TUSC3: variants seen among roughly 807,000 people sequenced by gnomAD.
The protein encoded by TUSC3 is dolichyl-diphosphooligosaccharide--protein glycosyltransferase subunit TUSC3.
In TUSC3, 45 loss-of-function variants were observed where a neutral mutation model predicts 44.8. The observed-to-expected ratio is 1.00, with a 90% CI of 0.79 to 1.29. TUSC3 has a LOEUF of 1.29. Among genes scored for constraint, TUSC3 ranks in the 50% most tolerant of loss-of-function variants. The probability of loss-of-function intolerance (pLI) is 0.00; values close to 1 mark genes in which losing one functional copy is unlikely to be tolerated. For missense variants in TUSC3, 519 were observed against 437.9 expected, an observed-to-expected ratio of 1.19 and a Z score of -1.65; for synonymous variants, 212 against 152.9, an observed-to-expected ratio of 1.39 and a Z score of -2.85.
chr8:15,834,485 C>G, the TUSC3 span, among the ~76,000 whole-genome samples: 1 of 152,120 alleles, frequency 6.6e-6, no homozygotes, highest in Admixed American at 6.6e-5. Context: ...GTTTTTTAGA[C>G]TGAAACAGGT....
At chr8:15,563,740 C>A (rs1279513059) in intron 1 of TUSC3, among the ~76,000 whole-genome samples, 1 of 148,046 alleles carries the variant, frequency 6.8e-6, no homozygotes, top group African/African-American at 2.5e-5. Context: ...GGACTGAAAC[C>A]ATCCTCAGAG....
At chr8:15,558,633 T>A (rs1161384684) in intron 1 of TUSC3, among the ~76,000 whole-genome samples, 1 of 106,312 alleles carries the variant, frequency 9.4e-6, no homozygotes, top group Non-Finnish European at 2.1e-5. Flanking sequence ...ATCCATCTGG[T>A]GCTGGACTCT....
chr8:15,843,813 C>A, the TUSC3 span, among the ~76,000 whole-genome samples: 1 of 151,872 alleles, frequency 6.6e-6, no homozygotes, highest in Non-Finnish European at 1.5e-5. Context: ...TGAAACATAG[C>A]TTTGTCCTTG....
intron 7 of TUSC3, among the ~76,000 whole-genome samples, chr8:15,735,972 C>T (rs984510407): frequency 9.2e-5 from 14 of 151,912 alleles, no homozygotes; most frequent in African/African-American, 2.9e-4. Context: ...TCGTGATCCG[C>T]CCACCTTGGC....
upstream of TUSC3, among the ~76,000 whole-genome samples, chr8:15,538,643 T>C (rs1161269068): frequency 6.6e-6 from 1 of 152,154 alleles, no homozygotes; most frequent in Non-Finnish European, 1.5e-5. Flanking sequence ...AACTTTGTAT[T>C]GAAAAAATCG....
chr8:15,764,250 T>A lies in TUSC3; in HGVS notation c.*94T>A. On this transcript the variant is annotated 3_prime_UTR_variant, in exon 11 of 11. Transcript: ENST00000503731. ...GTGGGATTTGCATAAAGTGAATGTT[T>A]ACCATGAAGATAAACTGTTCCTGAC... 2 of 1,602,012 alleles carry A rather than the reference T, an allele frequency of 1.2e-6. No individual in the cohort carries two copies. Among genetic ancestry groups the A allele is most frequent in the Non-Finnish European group, 1.7e-6 (2 of 1,170,694 alleles).
chr8:15,577,870 T>C (rs1309016420), intron 1 of TUSC3, among the ~76,000 whole-genome samples: 1 of 150,836 alleles, frequency 6.6e-6, no homozygotes, highest in East Asian at 1.9e-4. Flanking sequence ...GGTAGCTTGA[T>C]GGGGATGGCA....
intron 1 of TUSC3, among the ~76,000 whole-genome samples, chr8:15,561,867 G>C (rs77335987): frequency 6.6e-6 from 1 of 152,056 alleles, no homozygotes. Flanking sequence ...TTCGGCTGGC[G>C]CACGGTGTGC....
intron 6 of TUSC3, among the ~76,000 whole-genome samples, chr8:15,683,015 A>T (rs1808487996): frequency 6.6e-6 from 1 of 152,078 alleles, no homozygotes; most frequent in Non-Finnish European, 1.5e-5. Context: ...GATAGGAAGT[A>T]CTATGTTAGC....
intron 6 of TUSC3, among the ~76,000 whole-genome samples, chr8:15,713,109 G>A (rs1326240271): frequency 6.6e-6 from 1 of 152,056 alleles, no homozygotes; most frequent in Non-Finnish European, 1.5e-5. Flanking sequence ...CCACAAATAC[G>A]TTTTTGTAAA....
At chr8:15,538,428 T>G (rs1342974255), upstream of TUSC3, among the ~76,000 whole-genome samples, 1 of 152,160 alleles carries the variant, frequency 6.6e-6, no homozygotes, top group African/African-American at 2.4e-5. Flanking sequence ...AAGCTTGCGA[T>G]ACAGAAAAGT....
intron 3 of TUSC3, among the ~76,000 whole-genome samples, chr8:15,653,977 G>A (rs558309720): frequency 6.6e-6 from 1 of 152,118 alleles, no homozygotes; most frequent in Non-Finnish European, 1.5e-5. Context: ...CTGAGGCTAG[G>A]TATCTGATGA....
intron 1 of TUSC3, among the ~76,000 whole-genome samples, chr8:15,542,318 C>T (rs1418292190): frequency 2.0e-5 from 3 of 152,070 alleles, no homozygotes; most frequent in Admixed American, 6.5e-5. Context: ...TGGCAGACTT[C>T]AGAGAGAATA....
upstream of TUSC3, among the ~76,000 whole-genome samples, chr8:15,538,470 C>T (rs762596017): frequency 1.4e-4 from 22 of 152,184 alleles, no homozygotes; most frequent in Non-Finnish European, 3.2e-4. Flanking sequence ...TTAACAAAGG[C>T]ATCGTAGCAT....
intron 2 of TUSC3, among the ~76,000 whole-genome samples, chr8:15,638,769 A>G (rs1447144733): frequency 6.6e-6 from 1 of 151,922 alleles, no homozygotes; most frequent in Admixed American, 6.6e-5. Context: ...CAAGTGATCC[A>G]CCTGCCTTGG....
chr8:15,640,293 A>T (rs150954157), intron 2 of TUSC3, among the ~76,000 whole-genome samples: 12 of 152,228 alleles, frequency 7.9e-5, no homozygotes, highest in Middle Eastern at 3.4e-3. Context: ...CCTGACAGGG[A>T]GTCACTGTTG....
the TUSC3 span, among the ~76,000 whole-genome samples, chr8:15,797,205 C>G: frequency 1.3e-5 from 2 of 152,208 alleles, no homozygotes; most frequent in South Asian, 4.1e-4. Context: ...GTTCGCTGAA[C>G]AGCTTTCAGT....
intron 1 of TUSC3, among the ~76,000 whole-genome samples, chr8:15,566,630 T>TTG (rs1563293141): frequency 6.7e-5 from 10 of 150,128 alleles, no homozygotes; most frequent in Non-Finnish European, 8.9e-5. Flanking sequence ...TGTTGTTGTT[T>TTG]TTTTTTTGAG....
chr8:15,695,689 C>G (rs1809129016), intron 6 of TUSC3, among the ~76,000 whole-genome samples: 2 of 152,156 alleles, frequency 1.3e-5, no homozygotes, highest in Admixed American at 1.3e-4. Context: ...TGGCTTTGAT[C>G]AAAACGCTGA....
Sources: gnomAD v4.1 joint callset for allele counts (sites outside exome capture counted in the v4.1 genomes callset) on GRCh38, gnomAD v4.1.1 for gene constraint, MANE v1.5 for transcripts, NCBI Gene and HGNC (gene_info 2026-07-23, HGNC 2026-07-21) for gene names.